ARFRP1: variants seen among roughly 807,000 people sequenced by gnomAD.
ARFRP1 encodes the protein ARF related protein 1, also known as ADP-ribosylation factor-related protein 1.
Under a neutral mutation model 30.3 loss-of-function variants are expected in ARFRP1, and 19 were observed. The observed-to-expected ratio is 0.63, with a 90% CI of 0.44 to 0.92. The LOEUF is 0.92. Ranked by LOEUF, ARFRP1 falls within the 40% of genes least tolerant of loss-of-function variation. The pLI, the probability that ARFRP1 is intolerant of heterozygous loss-of-function variation, is 0.00. For synonymous variants in ARFRP1, 133 were observed against 114.2 expected, an observed-to-expected ratio of 1.16 and a Z score of -1.05; for missense variants, 245 against 267.5, an observed-to-expected ratio of 0.92 and a Z score of 0.59.
At chr20:63,706,285 C>A in intron 4 of ARFRP1, 72 bp downstream of exon 4, 1 of 1,426,618 alleles carries the variant, frequency 7.0e-7, no homozygotes. Context: ...TGAGGAAGGG[C>A]CCAAAGGGCA....
chr20:63,706,484 G>A (rs377397111), intron 3 of ARFRP1, 45 bp from the exon 4 acceptor site: 6 of 1,586,448 alleles, frequency 3.8e-6, no homozygotes, highest in South Asian at 3.3e-5. Flanking sequence ...CTTGGTCCTC[G>A]ACACACCCAG....
At position 63,702,115 on chromosome 20, in the gene ARFRP1, G is replaced by C. The variant is rs778811394; in HGVS notation, c.346+21C>G. 3.7e-6 allele frequency: 6 copies of C among 1,604,774 alleles called. No homozygotes were observed. The East Asian group carries it at 6.7e-5, about 18-fold the overall frequency. On this transcript the variant is annotated intron_variant, in intron 5 of 7. Transcript: ENST00000622789. ...CCCCACTCACCATCCATCCCTCCCA[G>C]AGCAGCCAGGCCGCACTCACCAAAC...
rs1371452440 is a variant in ARFRP1 at position 63,706,458 on chromosome 20, A to T, written c.182-19T>A. The T allele has an allele frequency of 6.2e-7, 1 of 1,611,478 alleles. No individual in the cohort carries two copies. On this transcript the variant is annotated intron_variant, in intron 3 of 7. Coordinates refer to ENST00000622789, the MANE Select transcript of ARFRP1 (RefSeq NM_001267547.3). ...GTGCCGACTGGGGAGAGGAGGAAAC[A>T]GGCAAGGCTCATGACCTTGGTCCTC...
At position 63,700,298 on chromosome 20, in the gene ARFRP1, A is replaced by G; in HGVS notation, c.*145T>C. The stretch of plus-strand genomic sequence containing the variant: ...GCCTACGCTTTTCCAGACATAGAGG[A>G]AAGTTTGTCTTCGAGAAAACAAAGT... On this transcript the variant is annotated 3_prime_UTR_variant, in exon 8 of 8. Transcript: ENST00000622789. 1.6e-6 allele frequency: 2 copies of G among 1,229,530 alleles called. No homozygotes were observed. Among genetic ancestry groups the G allele is most frequent in the Non-Finnish European group, 2.2e-6 (2 of 893,044 alleles). 76.2% of individuals were successfully genotyped at this position (1,229,530 alleles called of 1,614,324 possible). A position where few individuals can be genotyped will look rare whatever the true frequency, so the allele number is the denominator to read the frequency against.
intron 6 of ARFRP1, chr20:63,701,262 A>G (rs1338382804): frequency 1.9e-6 from 1 of 520,296 alleles, no homozygotes; most frequent in Non-Finnish European, 3.9e-6. Context: ...GAGCCACCCC[A>G]GAGAAGGCAG....
In ARFRP1 at chr20:63,706,748, G is replaced by A; in HGVS notation, c.94-10C>T. On this transcript the variant is annotated splice_polypyrimidine_tract_variant and intron_variant, in intron 2 of 7. Transcript: ENST00000622789. Reference sequence around the variant, plus strand: ...ACTGCTCCAGGAAGGTCTGAGGAGAGAGGCAGAGGCGAAACACATCAAGGA... The same window carrying A: ...ACTGCTCCAGGAAGGTCTGAGGAGAAAGGCAGAGGCGAAACACATCAAGGA... The A allele has an allele frequency of 6.3e-7, 1 of 1,598,708 alleles. No homozygotes were observed. The highest frequency in any genetic ancestry group is 8.6e-7 in the Non-Finnish European group (1 of 1,166,016).
chr20:63,700,438 T>C lies in ARFRP1; in HGVS notation c.*5A>G, dbSNP rs748269217. 1.2e-5 allele frequency: 20 copies of C among 1,607,646 alleles called. No individual in the cohort carries two copies. Among genetic ancestry groups the C allele is most frequent in the Non-Finnish European group, 1.7e-5 (20 of 1,179,740 alleles). The stretch of plus-strand genomic sequence containing the variant: ...CCAGCCGTCCCGACGGCAGCGCGGC[T>C]GCGCCTACGTGATGTCCCTCTGCCG... On this transcript the variant is annotated 3_prime_UTR_variant, in exon 8 of 8. Coordinates refer to ENST00000622789, the MANE Select transcript of ARFRP1 (RefSeq NM_001267547.3).
At chr20:63,701,620 G>A (rs2091208564) in intron 6 of ARFRP1, 4 of 601,592 alleles carry the variant, frequency 6.6e-6, no homozygotes, top group South Asian at 6.0e-5. Flanking sequence ...CGCCTGCCCT[G>A]AGGTGGGAGA....
chr20:63,701,998 G>GCCCCACCCCCCCCCCCCCCCCC, intron 5 of ARFRP1, 98 bp from the exon 6 acceptor site: 1 of 583,916 alleles, frequency 1.7e-6, no homozygotes, highest in South Asian at 2.1e-5. Flanking sequence ...CACTCCCTCT[G>GCCCCACCCCCCCCCCCCCCCCC]CCCCCCCCCC....
chr20:63,701,997 T>TGGGGGGGGGGGGG, intron 5 of ARFRP1, 97 bp from the exon 6 acceptor site: 1 of 684,614 alleles, frequency 1.5e-6, no homozygotes, highest in East Asian at 3.2e-5. Context: ...CCACTCCCTC[T>TGGGGGGGGGGGGG]GCCCCCCCCC....
At chr20:63,706,803 C>T in intron 2 of ARFRP1, 65 bp from the exon 3 acceptor site, 2 of 1,402,604 alleles carry the variant, frequency 1.4e-6, no homozygotes, top group South Asian at 1.2e-5. Context: ...AATATCCTTA[C>T]TCAGGTCTGT....
In ARFRP1 at chr20:63,701,872, G is replaced by A. The variant is rs768953214; in HGVS notation, c.375C>T (p.Cys125=). The change falls in exon 6 of 8, where the codon TGC becomes TGT. Residue 125 remains cysteine (C), a synonymous_variant. Coordinates refer to ENST00000622789, the MANE Select transcript of ARFRP1 (RefSeq NM_001267547.3). ...TGGCCAGCACCAAGACGGGGACACC[G>A]CACAGCGCCTCGCTGGTCACCACCT... is the stretch of plus-strand genomic sequence containing the variant. ...FEKVVTSEAL[C]GVPVLVLANK... 2.3e-5 allele frequency: 35 copies of A among 1,550,258 alleles called. No individual in the cohort carries two copies. Among genetic ancestry groups the A allele is most frequent in the South Asian group, 4.8e-5 (4 of 84,088 alleles).
chr20:63,703,866 CCACG>C (rs2091330120), intron 4 of ARFRP1: 1 of 152,436 alleles, frequency 6.6e-6, no homozygotes, highest in Non-Finnish European at 1.5e-5. Context: ...ACCCAGAGCC[CCACG>C]CCCCAGTGGA....
rs2091043702 is a variant in ARFRP1, at chr20:63,698,687, G to C, written c.*1756C>G. 2 of 1,207,566 alleles carry C rather than the reference G, an allele frequency of 1.7e-6. No individual in the cohort carries two copies. The allele number at this position is 1,207,566 out of a possible 1,614,324, so 74.8% of individuals were successfully genotyped here. ...TTTTATAAAGCTTTTTCATAAAACT[G>C]GTTGTAGTTGCACAGCTACTGGGAG... is the stretch of plus-strand genomic sequence containing the variant. On this transcript the variant is annotated 3_prime_UTR_variant, in exon 8 of 8. Transcript: ENST00000622789.
At chr20:63,701,727 G>T in intron 6 of ARFRP1, 103 bp downstream of exon 6, 2 of 1,069,544 alleles carry the variant, frequency 1.9e-6, no homozygotes, top group Non-Finnish European at 2.8e-6. Context: ...TACCCCCTGG[G>T]CAGTCACTGG....
chr20:63,700,279 G>A lies in ARFRP1; in HGVS notation c.*164C>T, dbSNP rs775436140. The A allele has an allele frequency of 2.5e-5, 27 of 1,097,336 alleles. No homozygotes were observed. In the Admixed American group the frequency reaches 3.2e-4, roughly 13 times the overall value. 68.0% of individuals were successfully genotyped at this position (1,097,336 alleles called of 1,614,324 possible). A position where few individuals can be genotyped will look rare whatever the true frequency, so the allele number is the denominator to read the frequency against. On this transcript the variant is annotated 3_prime_UTR_variant, in exon 8 of 8. Coordinates refer to ENST00000622789, the MANE Select transcript of ARFRP1 (RefSeq NM_001267547.3). ...CCCTCCAAAGCCTCCGGATGCCTAC[G>A]CTTTTCCAGACATAGAGGAAAGTTT...
chr20:63,701,773 C>A, intron 6 of ARFRP1, 57 bp downstream of exon 6: 1 of 1,488,964 alleles, frequency 6.7e-7, no homozygotes, highest in Non-Finnish European at 9.1e-7. Flanking sequence ...GCTCCCCTTG[C>A]TGTGGGGGAG....
At chr20:63,701,777 G>A in intron 6 of ARFRP1, 53 bp downstream of exon 6, 2 of 1,492,132 alleles carry the variant, frequency 1.3e-6, no homozygotes, top group Admixed American at 2.0e-5. Flanking sequence ...CCCTTGCTGT[G>A]GGGGAGGCTG....
chr20:63,706,160 A>G, intron 4 of ARFRP1, 197 bp downstream of exon 4: 1 of 559,476 alleles, frequency 1.8e-6, no homozygotes, highest in Non-Finnish European at 3.2e-6. Flanking sequence ...CCCTACCACC[A>G]CTTTTGGGGC....
Sources: gnomAD v4.1 joint callset for allele counts on GRCh38, gnomAD v4.1.1 for gene constraint, MANE v1.5 for transcripts, NCBI Gene and HGNC (gene_info 2026-07-23, HGNC 2026-07-21) for gene names.